The following RASSF4 variants were observed in gnomAD, a reference collection of about 807,000 sequenced individuals.
The protein encoded by RASSF4 is Ras association domain family member 4, also known as ras association domain-containing protein 4.
A neutral mutation model predicts 41.1 loss-of-function variants in RASSF4; 38 were observed. The observed-to-expected ratio is 0.92, with a 90% CI of 0.71 to 1.21. RASSF4 has a LOEUF of 1.21. Ranked by LOEUF, RASSF4 falls within the 50% of genes most tolerant of loss-of-function variation. The pLI is 0.00. For synonymous variants in RASSF4, 179 were observed against 163.4 expected (o/e 1.10, Z -0.73); for missense variants, 414 against 419.4 (o/e 0.99, Z 0.11).
Position 44,984,084 on chromosome 10 carries a change from A to G in RASSF4, c.344A>G (p.His115Arg). 6.2e-7 allele frequency: 1 copy of G among 1,605,876 alleles called. No homozygotes were observed. Among genetic ancestry groups the G allele is most frequent in the Non-Finnish European group, 8.5e-7 (1 of 1,176,428 alleles). Reference protein sequence around the residue: ...TAQGPSIQPVHKAESSTDSSG... With the variant: ...TAQGPSIQPVRKAESSTDSSG... ...CAGGGGCCAAGCATTCAGCCAGTGC[A>G]CAAGGCTGAGAGTTCCACAGACAGC... The change falls in exon 5 of 11, where the codon CAC (histidine) becomes CGC (arginine). Residue 115 changes from histidine to arginine, a missense_variant. Transcript: ENST00000340258.
intron 3 of RASSF4, among the ~76,000 whole-genome samples, chr10:44,973,754 G>A (rs556644599): frequency 1.3e-5 from 2 of 152,328 alleles, no homozygotes; most frequent in South Asian, 2.1e-4. Context: ...GCGCGGGAGC[G>A]GGAAGCCCCA....
intron 3 of RASSF4, among the ~76,000 whole-genome samples, chr10:44,975,347 G>C (rs2132777792): frequency 6.6e-6 from 1 of 152,018 alleles, no homozygotes; most frequent in East Asian, 2.0e-4. Flanking sequence ...TCTGTTTTCT[G>C]GGAGCCGCAA....
rs780512347 is a variant in RASSF4 at position 44,971,803 on chromosome 10, CA to C, written c.95del (p.Asn32ThrfsTer11). 6.2e-7 allele frequency: 1 copy of C among 1,613,880 alleles called. No homozygotes were observed. Among genetic ancestry groups the C allele is most frequent in the Non-Finnish European group, 8.5e-7 (1 of 1,179,808 alleles). On this transcript the variant is annotated frameshift_variant, in exon 3 of 11. Coordinates refer to ENST00000340258, the MANE Select transcript of RASSF4 (RefSeq NM_032023.4). LOFTEE classifies it high-confidence loss of function. ...SELLGLLKTY[N>X]CYHEGKSFQL... The stretch of plus-strand genomic sequence containing the variant: ...AGCTCTTAGGCCTGCTGAAAACCTA[CA>C]ACTGCTACCATGAGGGCAAGAGCTT...
chr10:44,985,722 A>G (rs1173156663), intron 6 of RASSF4, among the ~76,000 whole-genome samples: 2 of 152,138 alleles, frequency 1.3e-5, no homozygotes, highest in African/African-American at 2.4e-5. Context: ...AGGTTAGGCT[A>G]TCCAGGGGCC....
chr10:44,992,579 A>G (rs561823332), intron 10 of RASSF4, among the ~76,000 whole-genome samples: 3 of 152,286 alleles, frequency 2.0e-5, no homozygotes, highest in Admixed American at 6.5e-5. Context: ...TGTAGTCCCA[A>G]TGACGTCTCC....
intron 3 of RASSF4, chr10:44,977,650 G>A: frequency 1.2e-6 from 2 of 1,613,090 alleles, no homozygotes; most frequent in Non-Finnish European, 1.7e-6. Context: ...CAGCAGAGGG[G>A]CCAGTCCTCC....
intron 3 of RASSF4, 159 bp from the exon 4 acceptor site, chr10:44,982,362 C>T (rs1244800996): frequency 3.4e-6 from 3 of 880,210 alleles, no homozygotes; most frequent in Non-Finnish European, 5.5e-6. Context: ...GGTCACACGC[C>T]CCAGGGCACG....
intron 1 of RASSF4, among the ~76,000 whole-genome samples, chr10:44,960,485 T>C (rs116356770): frequency 1.5e-3 from 228 of 152,294 alleles, no homozygotes; most frequent in African/African-American, 5.2e-3. Flanking sequence ...TGCCCCTGAG[T>C]CTCTTGCTCT....
Position 44,993,516 on chromosome 10 carries a change from C to T in RASSF4, c.*187C>T, listed in dbSNP as rs1842198243. On this transcript the variant is annotated 3_prime_UTR_variant, in exon 11 of 11. Coordinates refer to ENST00000340258, the MANE Select transcript of RASSF4 (RefSeq NM_032023.4). ...CCAGCTCTTGGCTCCAAGATGAGCA[C>T]CCACAGGAAGCCGACCCAGGCCTGA... 2 of 606,622 alleles carry T rather than the reference C, an allele frequency of 3.3e-6. No individual in the cohort carries two copies. Among genetic ancestry groups the T allele is most frequent in the South Asian group, 1.9e-5 (1 of 52,002 alleles). The allele number at this position is 606,622 out of a possible 1,614,324, so 37.6% of individuals were successfully genotyped here.
In RASSF4 at chr10:44,994,730, C is replaced by G. The variant is rs943419955; in HGVS notation, c.*1401C>G. ...TTGAACTGAAGAAGTGAGAACCAAG[C>G]TTTTTTTTTTTTTTTTGCTTTCTGT... On this transcript the variant is annotated 3_prime_UTR_variant, in exon 11 of 11. Coordinates refer to ENST00000340258, the MANE Select transcript of RASSF4 (RefSeq NM_032023.4). 7.4e-6 allele frequency: 1 copy of G among 135,086 alleles called. No individual in the cohort carries two copies. The highest frequency in any genetic ancestry group is 7.4e-5 in the Admixed American group (1 of 13,438). The allele number at this position is 135,086 out of a possible 1,614,324, so 8.4% of individuals were successfully genotyped here.
At chr10:44,981,468 C>A (rs1358026039) in intron 3 of RASSF4, 2 of 152,136 alleles carry the variant, frequency 1.3e-5, no homozygotes, top group African/African-American at 2.4e-5. Flanking sequence ...GAGGGTAGTT[C>A]TTATGTTAAA....
At chr10:44,964,522 G>T (rs908345012) in intron 1 of RASSF4, among the ~76,000 whole-genome samples, 2 of 152,224 alleles carry the variant, frequency 1.3e-5, no homozygotes, top group Non-Finnish European at 2.9e-5. Context: ...TGGGTGGCAG[G>T]CCAGCCCCAG....
Position 44,970,146 on chromosome 10 carries a change from C to A in RASSF4, c.-38-19C>A. 6.7e-7 allele frequency: 1 copy of A among 1,490,000 alleles called. No homozygotes were observed. The highest frequency in any genetic ancestry group is 9.4e-7 in the Non-Finnish European group (1 of 1,068,052). 92.3% of individuals were successfully genotyped at this position (1,490,000 alleles called of 1,614,324 possible). On this transcript the variant is annotated intron_variant, in intron 1 of 10. Coordinates refer to ENST00000340258, the MANE Select transcript of RASSF4 (RefSeq NM_032023.4). ...CTCCTCTGGCTCACCTGTCTGTCCA[C>A]CCTTCCTTGTCTTCCCAGCAAGTAA...
intron 1 of RASSF4, among the ~76,000 whole-genome samples, chr10:44,969,716 G>A (rs938497709): frequency 6.6e-6 from 1 of 152,210 alleles, no homozygotes; most frequent in Non-Finnish European, 1.5e-5. Flanking sequence ...ACACAGTGCC[G>A]ACTAACCCAC....
At chr10:44,961,988 T>A (rs1302198302) in intron 1 of RASSF4, among the ~76,000 whole-genome samples, 1 of 152,220 alleles carries the variant, frequency 6.6e-6, no homozygotes, top group East Asian at 1.9e-4. Context: ...TGTCCCACCT[T>A]CTGCCCTAGG....
chr10:44,980,462 G>A (rs146068564), intron 3 of RASSF4, among the ~76,000 whole-genome samples: 184 of 152,296 alleles, frequency 1.2e-3, no homozygotes, highest in African/African-American at 4.2e-3. Context: ...AACAGTGGGC[G>A]GCTATGCTGG....
intron 3 of RASSF4, 45 bp downstream of exon 3, chr10:44,971,893 A>T: frequency 7.1e-7 from 1 of 1,408,166 alleles, no homozygotes; most frequent in South Asian, 1.2e-5. Flanking sequence ...GTACCCTGGG[A>T]GGCCCTGCCT....
intron 9 of RASSF4, 119 bp from the exon 10 acceptor site, chr10:44,991,786 A>C: frequency 1.5e-6 from 1 of 663,116 alleles, no homozygotes; most frequent in Non-Finnish European, 2.6e-6. Flanking sequence ...GAAAAGCGGC[A>C]GCTCCTTCTG....
At chr10:44,989,430 T>C (rs1353444466) in intron 7 of RASSF4, 55 bp downstream of exon 7, 3 of 1,314,854 alleles carry the variant, frequency 2.3e-6, no homozygotes, top group Non-Finnish European at 3.3e-6. Context: ...TGCTATTCTG[T>C]TGGGGGTGGG....
Sources: allele counts gnomAD v4.1 joint callset (sites outside exome capture counted in the v4.1 genomes callset), GRCh38; gene constraint gnomAD v4.1.1; transcripts MANE v1.5; gene names NCBI Gene and HGNC (gene_info 2026-07-23, HGNC 2026-07-21).